Variants in QTMAN observed in about 807,000 individuals in gnomAD.
The protein encoded by QTMAN is tRNA-queuosine alpha-mannosyltransferase.
the QTMAN span, among the ~76,000 whole-genome samples, chr2:144,138,946 G>A: frequency 2.0e-5 from 3 of 152,066 alleles, no homozygotes; most frequent in Non-Finnish European, 4.4e-5. Context: ...ATTATAGGAA[G>A]ACAGTATATG....
chr2:144,271,513 G>A, the QTMAN span, among the ~76,000 whole-genome samples: 11 of 152,112 alleles, frequency 7.2e-5, no homozygotes, highest in Non-Finnish European at 7.4e-5. Flanking sequence ...TGTAAATCTA[G>A]AGTAAAGAAA....
the QTMAN span, among the ~76,000 whole-genome samples, chr2:144,158,070 A>C: frequency 1.3e-5 from 2 of 152,036 alleles, no homozygotes; most frequent in South Asian, 2.1e-4. Flanking sequence ...GAATTTCATG[A>C]TAAATTCCTC....
the QTMAN span, among the ~76,000 whole-genome samples, chr2:144,026,128 A>T: frequency 1.3e-5 from 2 of 152,194 alleles, no homozygotes; most frequent in Non-Finnish European, 2.9e-5. Context: ...AAAGGTAGAA[A>T]CCACAAAAGA....
At chr2:144,048,738 T>C in the QTMAN span, among the ~76,000 whole-genome samples, 1 of 151,884 alleles carries the variant, frequency 6.6e-6, no homozygotes, top group African/African-American at 2.4e-5. Flanking sequence ...CTTCATCTAC[T>C]CCCTCCCACT....
chr2:144,167,612 C>T, the QTMAN span, among the ~76,000 whole-genome samples: 1 of 152,002 alleles, frequency 6.6e-6, no homozygotes, highest in Non-Finnish European at 1.5e-5. Context: ...TGGCCATTTC[C>T]TCTGCTTGCA....
the QTMAN span, among the ~76,000 whole-genome samples, chr2:144,119,947 A>T: frequency 6.6e-6 from 1 of 152,200 alleles, no homozygotes; most frequent in African/African-American, 2.4e-5. Flanking sequence ...TCATAAACTG[A>T]AGTGGTATTG....
chr2:144,251,010 TA>T, the QTMAN span, among the ~76,000 whole-genome samples: 1 of 152,040 alleles, frequency 6.6e-6, no homozygotes, highest in South Asian at 2.1e-4. Flanking sequence ...TTTTATAAGT[TA>T]AAACATTATA....
the QTMAN span, among the ~76,000 whole-genome samples, chr2:144,117,017 A>G: frequency 6.6e-6 from 1 of 152,178 alleles, no homozygotes; most frequent in African/African-American, 2.4e-5. Context: ...TCAGTGAGTA[A>G]ATGTCAAAAA....
chr2:143,994,642 A>C, the QTMAN span, among the ~76,000 whole-genome samples: 10 of 152,214 alleles, frequency 6.6e-5, no homozygotes, highest in Admixed American at 6.5e-4. Flanking sequence ...CAGACGTAAA[A>C]GACCACATAT....
the QTMAN span, among the ~76,000 whole-genome samples, chr2:144,049,571 CA>C: frequency 6.6e-6 from 1 of 152,088 alleles, no homozygotes; most frequent in Non-Finnish European, 1.5e-5. Flanking sequence ...CTTTAGTGAG[CA>C]AAATCCAAAC....
chr2:144,180,706 T>C, the QTMAN span, among the ~76,000 whole-genome samples: 2 of 152,182 alleles, frequency 1.3e-5, no homozygotes, highest in East Asian at 3.8e-4. Flanking sequence ...AAGTTTGTTG[T>C]ATTTAGGTCC....
At chr2:144,110,446 C>G in the QTMAN span, among the ~76,000 whole-genome samples, 1 of 151,828 alleles carries the variant, frequency 6.6e-6, no homozygotes, top group East Asian at 1.9e-4. Flanking sequence ...ATGTAAATGG[C>G]GAGTTAATAG....
At chr2:144,304,748 A>C in the QTMAN span, among the ~76,000 whole-genome samples, 15 of 152,230 alleles carry the variant, frequency 9.9e-5, no homozygotes, top group Admixed American at 9.2e-4. Context: ...AATGTAACAT[A>C]ATAATAAATA....
At chr2:144,048,974 T>C in the QTMAN span, among the ~76,000 whole-genome samples, 6 of 152,238 alleles carry the variant, frequency 3.9e-5, no homozygotes, top group Non-Finnish European at 8.8e-5. Context: ...GCATTTGCTG[T>C]AGCTATTCCT....
At chr2:144,105,689 TA>T in the QTMAN span, among the ~76,000 whole-genome samples, 1 of 152,192 alleles carries the variant, frequency 6.6e-6, no homozygotes, top group Non-Finnish European at 1.5e-5. Context: ...TGCAGGATAT[TA>T]TCCAGGAGAA....
At chr2:144,088,975 A>G in the QTMAN span, among the ~76,000 whole-genome samples, 1 of 152,002 alleles carries the variant, frequency 6.6e-6, no homozygotes, top group Non-Finnish European at 1.5e-5. Flanking sequence ...ACTTACTTAA[A>G]CTAAAAAACT....
At chr2:144,221,822 G>A in the QTMAN span, among the ~76,000 whole-genome samples, 3 of 152,130 alleles carry the variant, frequency 2.0e-5, no homozygotes, top group Admixed American at 6.5e-5. Context: ...GTGCTATAGC[G>A]ATTCAAAACA....
At chr2:144,292,971 C>T in the QTMAN span, among the ~76,000 whole-genome samples, 1 of 152,100 alleles carries the variant, frequency 6.6e-6, no homozygotes, top group Non-Finnish European at 1.5e-5. Flanking sequence ...CACCAAGCTA[C>T]ATACCAATAA....
the QTMAN span, chr2:143,939,100 G>T: frequency 3.3e-5 from 5 of 152,126 alleles, no homozygotes; most frequent in Non-Finnish European, 7.4e-5. Flanking sequence ...TTTTCCTTTA[G>T]GCATCTAGTC....
Sources: gnomAD v4.1 joint callset for allele counts (sites outside exome capture counted in the v4.1 genomes callset) on GRCh38, gnomAD v4.1.1 for gene constraint, MANE v1.5 for transcripts, NCBI Gene and HGNC (gene_info 2026-07-23, HGNC 2026-07-21) for gene names.